The following SLC8A2 variants were observed in gnomAD, a reference collection of about 807,000 sequenced individuals.
SLC8A2 encodes sodium/calcium exchanger 2.
A neutral mutation model predicts 70.2 loss-of-function variants in SLC8A2; 14 were observed. The ratio of observed to expected loss-of-function variants is 0.20; its 90% CI spans 0.13 to 0.31. The LOEUF (loss-of-function observed/expected upper bound fraction) is 0.31, where lower values mean the gene tolerates loss of function less well. SLC8A2 is among the 10% of genes least tolerant of loss of function. The pLI is 1.00. For missense variants in SLC8A2, 779 were observed against 1,320.1 expected, an observed-to-expected ratio of 0.59 and a Z score of 6.35; for synonymous variants, 575 against 594.3, an observed-to-expected ratio of 0.97 and a Z score of 0.47.
In SLC8A2 at chr19:47,468,868, A is replaced by G. The variant is rs1242438374; in HGVS notation, c.-16-2449T>C. Among the ~76,000 whole-genome samples the G allele has an allele frequency of 6.6e-6, 1 of 151,694 alleles. No individual in the cohort carries two copies. The highest frequency in any genetic ancestry group is 6.6e-5 in the Admixed American group (1 of 15,258). Reference sequence around the variant, plus strand: ...TGCCATGGTAACCCAGTGGCTTATCAAAAAGAGAAGGAGAGAGGAAGAGAG... The same window carrying G: ...TGCCATGGTAACCCAGTGGCTTATCGAAAAGAGAAGGAGAGAGGAAGAGAG... On this transcript the variant is annotated intron_variant, in intron 1 of 9. Transcript: ENST00000236877. The surrounding 1 kb of genome is among the most constrained non-coding windows in gnomAD (Gnocchi z 5.1).
intron 3 of SLC8A2, among the ~76,000 whole-genome samples, chr19:47,450,760 C>T (rs1967224225): frequency 1.3e-5 from 2 of 152,012 alleles, no homozygotes; most frequent in Non-Finnish European, 2.9e-5. Flanking sequence ...TGATCTTGGG[C>T]GGTCAGGATT....
chr19:47,455,825 A>G (rs1370954586), intron 3 of SLC8A2, among the ~76,000 whole-genome samples: 2 of 152,172 alleles, frequency 1.3e-5, no homozygotes, highest in African/African-American at 4.8e-5. Flanking sequence ...GAACTGTTGA[A>G]TGAGAGAATA....
chr19:47,459,676 T>TGTGTGTGTGCATGG (rs1344874062), intron 2 of SLC8A2, among the ~76,000 whole-genome samples: 11 of 150,108 alleles, frequency 7.3e-5, no homozygotes, highest in Non-Finnish European at 1.6e-4. Context: ...TGTGTGCATG[T>TGTGTGTGTGCATGG]GTGTGTGTGC....
chr19:47,448,002 T>G lies in SLC8A2; in HGVS notation c.1570A>C (p.Ile524Leu). The change falls in exon 4 of 10, where the codon ATC becomes CTC. Residue 524 changes from isoleucine (I) to leucine (L), a missense_variant. Ile to Leu is a conservative substitution (Grantham distance 5, BLOSUM62 2). Coordinates refer to ENST00000236877, the MANE Select transcript of SLC8A2 (RefSeq NM_015063.3). This position sits in a 1 kb window ranked among gnomAD's most constrained non-coding sequence, Gnocchi z 4.8. ...AGCAGGCGGTCCTGGAAGGAGAAGA[T>G]GCCTGCGTGGTCGTCGTCCAGGATG... Reference protein sequence around the residue: ...VTILDDDHAGIFSFQDRLLHV... With the variant: ...VTILDDDHAGLFSFQDRLLHV... 6.4e-7 allele frequency: 1 copy of G among 1,562,294 alleles called. No individual in the cohort carries two copies. Among genetic ancestry groups the G allele is most frequent in the Non-Finnish European group, 8.7e-7 (1 of 1,153,132 alleles).
In SLC8A2 at chr19:47,447,841, G is replaced by A. The variant is rs1342611545; in HGVS notation, c.1731C>T (p.Cys577=). ...RGGGVHYEDA[C]GELEFGDDET... is the part of the protein sequence containing the mutation. ...CGTCGTCGCCAAACTCCAGCTCTCCGCACGCGTCCTCGTAGTGCACGCCGC... is the reference window on the plus strand; with the variant it reads ...CGTCGTCGCCAAACTCCAGCTCTCCACACGCGTCCTCGTAGTGCACGCCGC... Residue 577 remains cysteine (C), a synonymous_variant, in exon 4 of 10, where the codon TGC becomes TGT. Transcript: ENST00000236877. This position sits in a 1 kb window ranked among gnomAD's most constrained non-coding sequence, Gnocchi z 5.1. 2.5e-6 allele frequency: 4 copies of A among 1,594,228 alleles called. No homozygotes were observed. The highest frequency in any genetic ancestry group is 1.4e-5 in the African/African-American group (1 of 73,810).
Position 47,440,605 on chromosome 19 carries a change from A to T in SLC8A2, c.1885+564T>A, listed in dbSNP as rs552574514. ...TCACACTCAGCTAATTTTTTTTTTT[A>T]TTTGAGGCAGAGTTTCGTTCTTGTT... On this transcript the variant is annotated intron_variant, in intron 6 of 9. Transcript: ENST00000236877. Among the ~76,000 whole-genome samples the T allele has an allele frequency of 5.5e-3, 641 of 116,242 alleles. 2 individuals carry two copies. The highest frequency in any genetic ancestry group is 8.7e-3 in the Non-Finnish European group (452 of 51,724). The allele number at this position is 116,242 out of a possible 152,430, so 76.3% of individuals were successfully genotyped here. A position where few individuals can be genotyped will look rare whatever the true frequency, so the allele number is the denominator to read the frequency against.
intron 1 of SLC8A2, among the ~76,000 whole-genome samples, chr19:47,470,388 C>CACACACACA (rs3223011): frequency 6.7e-6 from 1 of 150,100 alleles, no homozygotes; most frequent in African/African-American, 2.5e-5. Context: ...CACACACACA[C>CACACACACA]CAGGGCTACA....
chr19:47,439,457 C>CG (rs778457626), intron 6 of SLC8A2, among the ~76,000 whole-genome samples: 2 of 151,530 alleles, frequency 1.3e-5, no homozygotes, highest in Non-Finnish European at 1.5e-5. Context: ...TCTTGAACCC[C>CG]GGGGGGTGGA....
At chr19:47,446,513 T>C (rs558980489) in intron 4 of SLC8A2, among the ~76,000 whole-genome samples, 1 of 152,218 alleles carries the variant, frequency 6.6e-6, no homozygotes, top group African/African-American at 2.4e-5. Flanking sequence ...CTACAGCACC[T>C]AACTCGTGGG....
At chr19:47,454,686 A>G (rs186267010) in intron 3 of SLC8A2, among the ~76,000 whole-genome samples, 1 of 152,274 alleles carries the variant, frequency 6.6e-6, no homozygotes, top group Non-Finnish European at 1.5e-5. Flanking sequence ...GGAGGGAAAG[A>G]CCTGCAAATG....
At chr19:47,467,353 A>C (rs545899544) in intron 1 of SLC8A2, among the ~76,000 whole-genome samples, 1 of 152,268 alleles carries the variant, frequency 6.6e-6, no homozygotes, top group African/African-American at 2.4e-5. Context: ...ATGGTCTCCA[A>C]CTCGGCCCTT....
intron 2 of SLC8A2, among the ~76,000 whole-genome samples, chr19:47,464,036 T>C (rs1967428803): frequency 6.6e-6 from 1 of 152,216 alleles, no homozygotes; most frequent in Non-Finnish European, 1.5e-5. Context: ...ACAAGATCTC[T>C]CTTTGATTAC....
At chr19:47,452,830 T>C (rs1175286140) in intron 3 of SLC8A2, among the ~76,000 whole-genome samples, 1 of 151,984 alleles carries the variant, frequency 6.6e-6, no homozygotes, top group Admixed American at 6.6e-5. Context: ...GTCAGGAGTT[T>C]GAGACCAGCC....
intron 3 of SLC8A2, among the ~76,000 whole-genome samples, chr19:47,452,441 A>AGT (rs1967253214): frequency 6.1e-4 from 40 of 65,208 alleles, no homozygotes; most frequent in African/African-American, 2.4e-3. Context: ...AGAGAGAGAG[A>AGT]GAGAGTGTGT....
At chr19:47,461,509 G>C (rs966557752) in intron 2 of SLC8A2, among the ~76,000 whole-genome samples, 2 of 151,936 alleles carry the variant, frequency 1.3e-5, no homozygotes, top group African/African-American at 4.8e-5. Context: ...ACTCCATCTC[G>C]AAAAAAAGAA....
At chr19:47,456,185 C>T (rs748431833) in intron 3 of SLC8A2, among the ~76,000 whole-genome samples, 3 of 152,198 alleles carry the variant, frequency 2.0e-5, no homozygotes, top group Non-Finnish European at 4.4e-5. Context: ...ATAATTAAAA[C>T]AGTGTGGCAC....
At chr19:47,464,716 T>C (rs985312905) in intron 2 of SLC8A2, among the ~76,000 whole-genome samples, 1 of 152,188 alleles carries the variant, frequency 6.6e-6, no homozygotes, top group Non-Finnish European at 1.5e-5. Flanking sequence ...TAGGCAAAAA[T>C]AGATTACACA....
chr19:47,429,785 T>G lies in SLC8A2; in HGVS notation c.*304A>C. On this transcript the variant is annotated 3_prime_UTR_variant, in exon 10 of 10. Transcript: ENST00000236877. ...TCCCCAGGATGGTTACTGGGGGTGG[T>G]TCCCTGGGGAGGGGACTGGGGTGGA... 1 of 459,034 alleles carries G rather than the reference T, an allele frequency of 2.2e-6. No homozygotes were observed. Among genetic ancestry groups the G allele is most frequent in the Non-Finnish European group, 3.9e-6 (1 of 257,182 alleles). The allele number at this position is 459,034 out of a possible 1,614,324, so 28.4% of individuals were successfully genotyped here.
chr19:47,444,040 C>T (rs936300643), intron 4 of SLC8A2, among the ~76,000 whole-genome samples: 4 of 151,990 alleles, frequency 2.6e-5, no homozygotes, highest in Non-Finnish European at 2.9e-5. Context: ...GAAATATAAG[C>T]GTGTGCCACC....
Sources: gnomAD v4.1 joint callset for allele counts (sites outside exome capture counted in the v4.1 genomes callset) on GRCh38, gnomAD v4.1.1 for gene constraint, Gnocchi (gnomAD v3.1) non-coding constraint, MANE v1.5 for transcripts, NCBI Gene and HGNC (gene_info 2026-07-23, HGNC 2026-07-21) for gene names.